Variants in ZNF536 observed in about 807,000 individuals in gnomAD.
The protein encoded by ZNF536 is zinc finger protein 536.
Under a neutral mutation model 84.5 loss-of-function variants are expected in ZNF536, and 13 were observed. The ratio of observed to expected loss-of-function variants is 0.15; its 90% CI spans 0.10 to 0.24. The LOEUF (loss-of-function observed/expected upper bound fraction) is 0.24. Ranked by LOEUF, ZNF536 falls within the 10% of genes least tolerant of loss-of-function variation. The probability of loss-of-function intolerance (pLI) is 1.00; values close to 1 mark genes in which losing one functional copy is unlikely to be tolerated. For missense variants in ZNF536, 1,536 were observed against 1,747.5 expected (o/e 0.88, Z 2.16); for synonymous variants, 811 against 742.5 (o/e 1.09, Z -1.50).
At chr19:30,655,528 G>A (rs146604919) in intron 1 of ZNF536, among the ~76,000 whole-genome samples, 257 of 152,218 alleles carry the variant, frequency 1.7e-3, no homozygotes, top group Non-Finnish European at 2.9e-3. Flanking sequence ...GGAGTTTGCC[G>A]TCAACTCAGA....
At chr19:30,481,946 C>A (rs745381513) in intron 2 of ZNF536, among the ~76,000 whole-genome samples, 11 of 152,192 alleles carry the variant, frequency 7.2e-5, no homozygotes, top group Non-Finnish European at 7.3e-5. Flanking sequence ...GAGTTACTTC[C>A]CATAGAATAA....
At chr19:30,613,987 C>T (rs138653433) in intron 1 of ZNF536, among the ~76,000 whole-genome samples, 3 of 152,140 alleles carry the variant, frequency 2.0e-5, no homozygotes, top group Admixed American at 6.5e-5. Context: ...CTCAGCCTCC[C>T]GAGTAGCTGG....
intron 1 of ZNF536, among the ~76,000 whole-genome samples, chr19:30,267,622 T>C (rs1021264171): frequency 2.0e-5 from 3 of 152,172 alleles, no homozygotes; most frequent in Non-Finnish European, 4.4e-5. Context: ...CTGCCATTTG[T>C]GGCACACCCC....
Position 30,445,550 on chromosome 19 carries a change from G to A in ZNF536, c.1988G>A (p.Gly663Glu), listed in dbSNP as rs2148229156. 6.2e-7 allele frequency: 1 copy of A among 1,613,628 alleles called. No homozygotes were observed. Among genetic ancestry groups the A allele is most frequent in the East Asian group, 2.2e-5 (1 of 44,830 alleles). ...HKRDRKGEED[G>E]LHVGLDERRG... Reference sequence around the variant, plus strand: ...CGGGACCGCAAGGGCGAGGAGGATGGGCTGCACGTGGGCCTGGATGAGCGG... The same window carrying A: ...CGGGACCGCAAGGGCGAGGAGGATGAGCTGCACGTGGGCCTGGATGAGCGG... The change falls in exon 2 of 5, where the codon GGG becomes GAG. Residue 663 changes from glycine to glutamate, a missense_variant. This residue lies in a region of ZNF536 where 366 missense variants were observed against 364.4 expected (regional missense o/e 1.00). Coordinates refer to ENST00000355537, the MANE Select transcript of ZNF536 (RefSeq NM_014717.3). This position sits in a 1 kb window ranked among gnomAD's most constrained non-coding sequence, Gnocchi z 4.5.
intron 1 of ZNF536, among the ~76,000 whole-genome samples, chr19:30,250,440 T>C (rs2024542267): frequency 6.6e-6 from 1 of 152,054 alleles, no homozygotes; most frequent in Admixed American, 6.6e-5. Context: ...CAAGTGCTGG[T>C]GTGATTTCGG....
chr19:30,462,718 T>C (rs1360121731), intron 2 of ZNF536, among the ~76,000 whole-genome samples: 4 of 151,766 alleles, frequency 2.6e-5, no homozygotes, highest in African/African-American at 9.7e-5. Flanking sequence ...GTGATGGGTG[T>C]ATCCATATGC....
intron 1 of ZNF536, among the ~76,000 whole-genome samples, chr19:30,424,063 G>A (rs931927976): frequency 5.3e-5 from 8 of 152,186 alleles, no homozygotes; most frequent in East Asian, 3.9e-4. Flanking sequence ...ATGCAAGGGC[G>A]GCCACTCTGA....
At chr19:30,612,208 G>C (rs2048127533) in intron 1 of ZNF536, among the ~76,000 whole-genome samples, 1 of 152,192 alleles carries the variant, frequency 6.6e-6, no homozygotes, top group South Asian at 2.1e-4. Flanking sequence ...GGGAAATTGT[G>C]AATGGGTGAT....
At chr19:30,690,779 T>C (rs1407328964) in intron 1 of ZNF536, among the ~76,000 whole-genome samples, 2 of 152,200 alleles carry the variant, frequency 1.3e-5, no homozygotes, top group Non-Finnish European at 2.9e-5. Flanking sequence ...GGACTTACCT[T>C]ACAATTTGTG....
intron 1 of ZNF536, among the ~76,000 whole-genome samples, chr19:30,281,611 C>T (rs1001413754): frequency 6.6e-6 from 1 of 152,196 alleles, no homozygotes; most frequent in Non-Finnish European, 1.5e-5. Context: ...ACTGAGTGAA[C>T]AGGCCTCCTA....
chr19:30,579,147 C>G (rs943913643), intron 1 of ZNF536, among the ~76,000 whole-genome samples: 1 of 152,130 alleles, frequency 6.6e-6, no homozygotes, highest in African/African-American at 2.4e-5. Flanking sequence ...AAATCACTAT[C>G]TGTGTTCTAT....
At chr19:30,254,948 G>C (rs988100985) in intron 1 of ZNF536, among the ~76,000 whole-genome samples, 2 of 152,188 alleles carry the variant, frequency 1.3e-5, no homozygotes, top group Non-Finnish European at 2.9e-5. Flanking sequence ...ACCTTGGAGT[G>C]GTTAGTGTTT....
intron 2 of ZNF536, among the ~76,000 whole-genome samples, chr19:30,448,787 T>C (rs2052468217): frequency 6.6e-6 from 1 of 152,206 alleles, no homozygotes; most frequent in Admixed American, 6.5e-5. Flanking sequence ...CGTCCTTTGT[T>C]ATCTGATGTA....
At chr19:30,252,507 C>T (rs759899695) in intron 1 of ZNF536, among the ~76,000 whole-genome samples, 1 of 152,154 alleles carries the variant, frequency 6.6e-6, no homozygotes, top group Non-Finnish European at 1.5e-5. Flanking sequence ...CAACAGCATT[C>T]CTGTGATGCG....
At chr19:30,482,857 C>G (rs1392232493) in intron 2 of ZNF536, among the ~76,000 whole-genome samples, 1 of 152,106 alleles carries the variant, frequency 6.6e-6, no homozygotes, top group African/African-American at 2.4e-5. Flanking sequence ...CTCTATTTCC[C>G]CATCTGTCTG....
intron 1 of ZNF536, among the ~76,000 whole-genome samples, chr19:30,647,680 A>T (rs1336441915): frequency 6.6e-6 from 1 of 152,212 alleles, no homozygotes; most frequent in Non-Finnish European, 1.5e-5. Flanking sequence ...GTGTTTTTTA[A>T]AAGAGCATTA....
intron 1 of ZNF536, among the ~76,000 whole-genome samples, chr19:30,632,566 A>C (rs2147252474): frequency 6.6e-6 from 1 of 152,168 alleles, no homozygotes; most frequent in East Asian, 1.9e-4. Flanking sequence ...AGATCACGAC[A>C]TTGCACTCCA....
intron 1 of ZNF536, among the ~76,000 whole-genome samples, chr19:30,416,889 G>A (rs746732558): frequency 2.0e-5 from 3 of 152,074 alleles, no homozygotes; most frequent in African/African-American, 4.8e-5. Context: ...TTGTGGATCA[G>A]CTCATTATTT....
intron 2 of ZNF536, among the ~76,000 whole-genome samples, chr19:30,330,748 A>G (rs1434901063): frequency 6.6e-6 from 1 of 152,210 alleles, no homozygotes. Context: ...GCAGGTGGCC[A>G]GGGAACTTCG....
Sources: gnomAD v4.1 joint callset for allele counts (sites outside exome capture counted in the v4.1 genomes callset) on GRCh38, gnomAD v4.1.1 for gene constraint, gnomAD v4.1.1 regional missense constraint, Gnocchi (gnomAD v3.1) non-coding constraint, MANE v1.5 for transcripts, NCBI Gene and HGNC (gene_info 2026-07-23, HGNC 2026-07-21) for gene names.